Variants in KCNAB1 observed in about 807,000 individuals in gnomAD.
KCNAB1 encodes the protein potassium voltage-gated channel subfamily A regulatory beta subunit 1, also known as voltage-gated potassium channel subunit beta-1.
A neutral mutation model predicts 64.6 loss-of-function variants in KCNAB1; 35 were observed. The observed-to-expected ratio is 0.54, with a 90% CI of 0.41 to 0.72. KCNAB1 has a LOEUF of 0.72. Among genes scored for constraint, KCNAB1 ranks in the 30% least tolerant of loss-of-function variants. KCNAB1 has a pLI of 0.00. For missense variants in KCNAB1, 401 were observed against 512.9 expected, an observed-to-expected ratio of 0.78 and a Z score of 2.11; for synonymous variants, 177 against 183.8, an observed-to-expected ratio of 0.96 and a Z score of 0.30.
chr3:156,361,222 C>T (rs1002559245), intron 1 of KCNAB1, among the ~76,000 whole-genome samples: 4 of 152,162 alleles, frequency 2.6e-5, no homozygotes, highest in African/African-American at 9.7e-5. Flanking sequence ...GACCAAGCCC[C>T]TCCTACTCCA....
chr3:156,372,822 A>T (rs1403279570), intron 1 of KCNAB1, among the ~76,000 whole-genome samples: 1 of 152,234 alleles, frequency 6.6e-6, no homozygotes, highest in Non-Finnish European at 1.5e-5. Flanking sequence ...CTGTGAAAGA[A>T]TATTACAGGA....
At chr3:156,498,237 C>G (rs947708607) in intron 8 of KCNAB1, among the ~76,000 whole-genome samples, 2 of 152,168 alleles carry the variant, frequency 1.3e-5, no homozygotes, top group Admixed American at 1.3e-4. Context: ...ATGCCCACAG[C>G]AGCAAACCAT....
At chr3:156,394,816 G>A (rs1713306424) in intron 1 of KCNAB1, among the ~76,000 whole-genome samples, 1 of 152,186 alleles carries the variant, frequency 6.6e-6, no homozygotes, top group South Asian at 2.1e-4. Flanking sequence ...GAATGTACCA[G>A]GAGTTCTTGC....
chr3:156,438,738 G>A (rs778709841), intron 2 of KCNAB1, among the ~76,000 whole-genome samples: 10 of 152,130 alleles, frequency 6.6e-5, no homozygotes, highest in African/African-American at 1.2e-4. Context: ...TAGGCTGACC[G>A]GGCGTGGTGG....
intron 1 of KCNAB1, among the ~76,000 whole-genome samples, chr3:156,126,694 G>T (rs947787389): frequency 1.3e-5 from 2 of 152,198 alleles, no homozygotes; most frequent in Non-Finnish European, 2.9e-5. Context: ...TTTGGTTGAG[G>T]CCACAGATCC....
intron 1 of KCNAB1, among the ~76,000 whole-genome samples, chr3:156,202,656 A>G (rs773407127): frequency 2.0e-5 from 3 of 152,148 alleles, no homozygotes; most frequent in Non-Finnish European, 4.4e-5. Flanking sequence ...CCCTTAGTAT[A>G]TTAATCATAG....
In KCNAB1 at chr3:156,326,043, T is replaced by C. The variant is rs1356490390; in HGVS notation, c.276-95573T>C. Among the ~76,000 whole-genome samples, 3 of 152,086 alleles carry C rather than the reference T, an allele frequency of 2.0e-5. No homozygotes were observed. In the East Asian group the frequency reaches 5.8e-4, roughly 29 times the overall value. Reference sequence around the variant, plus strand: ...TCCCCTAGAGTGGATACTAGGCAGCTCTAGAAACTTCAGAAGCAGGGGTTA... The same window carrying C: ...TCCCCTAGAGTGGATACTAGGCAGCCCTAGAAACTTCAGAAGCAGGGGTTA... On this transcript the variant is annotated intron_variant, in intron 1 of 13. Transcript: ENST00000490337.
intron 8 of KCNAB1, among the ~76,000 whole-genome samples, chr3:156,495,563 CTGAAGTGTTCTCTG>C (rs1715956063): frequency 6.6e-6 from 1 of 152,140 alleles, no homozygotes; most frequent in Non-Finnish European, 1.5e-5. Context: ...TTCTAACTTG[CTGAAGTGTTCTCTG>C]TGAACAACAG....
chr3:156,475,449 G>C (rs936395465), intron 8 of KCNAB1, among the ~76,000 whole-genome samples: 1 of 152,150 alleles, frequency 6.6e-6, no homozygotes, highest in Admixed American at 6.5e-5. Flanking sequence ...TACAGAACTT[G>C]CTAGGATGTT....
intron 1 of KCNAB1, among the ~76,000 whole-genome samples, chr3:156,128,341 T>C (rs1282147095): frequency 6.6e-6 from 1 of 152,158 alleles, no homozygotes; most frequent in Non-Finnish European, 1.5e-5. Flanking sequence ...CTGAAGTATC[T>C]CTGAAAGAAA....
chr3:156,173,774 G>A (rs1454394030), intron 1 of KCNAB1, among the ~76,000 whole-genome samples: 1 of 152,232 alleles, frequency 6.6e-6, no homozygotes, highest in Non-Finnish European at 1.5e-5. Flanking sequence ...GTGTCTGTAA[G>A]GGTGTTTCCA....
intron 8 of KCNAB1, among the ~76,000 whole-genome samples, chr3:156,501,077 A>C (rs958529078): frequency 2.0e-5 from 3 of 152,208 alleles, no homozygotes; most frequent in African/African-American, 7.2e-5. Context: ...TTTGATTTCT[A>C]AAATATAATT....
chr3:156,168,351 C>T (rs930646548), intron 1 of KCNAB1, among the ~76,000 whole-genome samples: 1 of 152,140 alleles, frequency 6.6e-6, no homozygotes, highest in Non-Finnish European at 1.5e-5. Context: ...GAAAGAAACA[C>T]ACTGCCTATT....
chr3:156,250,417 C>T (rs7615156), intron 1 of KCNAB1, among the ~76,000 whole-genome samples: 3,367 of 152,242 alleles, frequency 0.022, 136 homozygotes, highest in African/African-American at 0.077. Context: ...TCCTCCTATC[C>T]CTTCTCTTCC....
intron 1 of KCNAB1, among the ~76,000 whole-genome samples, chr3:156,272,949 T>C (rs1238198102): frequency 6.6e-6 from 1 of 152,064 alleles, no homozygotes; most frequent in Non-Finnish European, 1.5e-5. Context: ...GAGCAGTTCC[T>C]TTTCTTAGAG....
chr3:156,187,912 C>T (rs1713304767), intron 1 of KCNAB1, among the ~76,000 whole-genome samples: 1 of 152,184 alleles, frequency 6.6e-6, no homozygotes, highest in Non-Finnish European at 1.5e-5. Flanking sequence ...AATTTCTCAT[C>T]AATTTCACTC....
intron 12 of KCNAB1, among the ~76,000 whole-genome samples, chr3:156,530,598 T>C (rs1434795211): frequency 6.6e-6 from 1 of 152,176 alleles, no homozygotes; most frequent in East Asian, 1.9e-4. Flanking sequence ...TCTAGCACGC[T>C]CAGCTACCCT....
At chr3:156,429,816 C>G (rs976389629) in intron 2 of KCNAB1, among the ~76,000 whole-genome samples, 3 of 152,070 alleles carry the variant, frequency 2.0e-5, no homozygotes, top group African/African-American at 7.2e-5. Context: ...GCAAGCTTTC[C>G]CTGAAAGAGT....
intron 1 of KCNAB1, among the ~76,000 whole-genome samples, chr3:156,367,300 C>G (rs1006897658): frequency 4.0e-5 from 6 of 151,736 alleles, no homozygotes; most frequent in South Asian, 2.1e-4. Flanking sequence ...CTCAGCTTCC[C>G]AAGTAGCTGA....
Sources: gnomAD v4.1 joint callset for allele counts (sites outside exome capture counted in the v4.1 genomes callset) on GRCh38, gnomAD v4.1.1 for gene constraint, MANE v1.5 for transcripts, NCBI Gene and HGNC (gene_info 2026-07-23, HGNC 2026-07-21) for gene names.